Variants in STAT3 observed in about 807,000 individuals in gnomAD.
STAT3 encodes DNA-binding protein APRF.
STAT3 carries 7 observed loss-of-function variants against 114.3 expected under a neutral mutation model. The observed-to-expected ratio is 0.06, with a 90% CI of 0.03 to 0.11. The LOEUF (loss-of-function observed/expected upper bound fraction) is 0.11, where lower values mean the gene tolerates loss of function less well. Among genes scored for constraint, STAT3 ranks in the 10% least tolerant of loss-of-function variants. The pLI is 1.00. For missense variants in STAT3, 364 were observed against 960.9 expected (o/e 0.38, Z 8.21); for synonymous variants, 331 against 354.5 (o/e 0.93, Z 0.74).
At chr17:42,369,835 A>AT (rs1038411528) in intron 1 of STAT3, among the ~76,000 whole-genome samples, 10 of 148,800 alleles carry the variant, frequency 6.7e-5, no homozygotes, top group East Asian at 5.9e-4. Context: ...ATTAAAAAAT[A>AT]TTTTTTTTTT....
In STAT3 at chr17:42,382,224, T is replaced by A. The variant is rs528721571; in HGVS notation, c.-24+6055A>T. On this transcript the variant is annotated intron_variant, in intron 1 of 23. Transcript: ENST00000264657. ...TTCTCTCACTCCTGAAAAGAATTAATCTCTTTTCTTGGATATTTAGTAAGA... is the reference window on the plus strand; with the variant it reads ...TTCTCTCACTCCTGAAAAGAATTAAACTCTTTTCTTGGATATTTAGTAAGA... Among the ~76,000 whole-genome samples, 4 of 152,350 alleles carry A rather than the reference T, an allele frequency of 2.6e-5. No homozygotes were observed. In the South Asian group the frequency reaches 8.3e-4, roughly 32 times the overall value.
chr17:42,354,466 C>G (rs2083130217), intron 1 of STAT3, among the ~76,000 whole-genome samples: 1 of 151,422 alleles, frequency 6.6e-6, no homozygotes, highest in African/African-American at 2.4e-5. Context: ...TGGCACCCGG[C>G]CTGTGTTATT....
intron 8 of STAT3, among the ~76,000 whole-genome samples, chr17:42,336,186 CAA>C (rs1414025106): frequency 6.6e-6 from 1 of 152,146 alleles, no homozygotes; most frequent in Non-Finnish European, 1.5e-5. Flanking sequence ...CTCTGTATCT[CAA>C]GTTTCTCCTA....
At chr17:42,377,817 A>G (rs1026916) in intron 1 of STAT3, among the ~76,000 whole-genome samples, 86,942 of 151,806 alleles carry the variant, frequency 0.57, 26,314 homozygotes, top group Admixed American at 0.72. Flanking sequence ...CAAAGACTGT[A>G]TGGATCTTCT....
chr17:42,370,859 T>C (rs1567752218), intron 1 of STAT3, among the ~76,000 whole-genome samples: 1 of 151,940 alleles, frequency 6.6e-6, no homozygotes, highest in Non-Finnish European at 1.5e-5. Flanking sequence ...TCCACCCACC[T>C]TGGCCTCCCA....
At chr17:42,354,860 T>C (rs184980287) in intron 1 of STAT3, among the ~76,000 whole-genome samples, 1 of 151,666 alleles carries the variant, frequency 6.6e-6, no homozygotes, top group East Asian at 1.9e-4. Flanking sequence ...TTTCATGTTT[T>C]ACTTCTTAGT....
At chr17:42,347,001 C>G (rs1259216209) in intron 2 of STAT3, among the ~76,000 whole-genome samples, 4 of 151,848 alleles carry the variant, frequency 2.6e-5, no homozygotes, top group Admixed American at 6.6e-5. Flanking sequence ...CCAACCTGGC[C>G]AACATGGTGA....
In STAT3 at chr17:42,326,305, C is replaced by T. The variant is rs147116073; in HGVS notation, c.1282-106G>A. The T allele has an allele frequency of 2.3e-4, 217 of 957,002 alleles. No homozygotes were observed. In the African/African-American group the frequency reaches 3.3e-3, roughly 15 times the overall value. 59.3% of individuals were successfully genotyped at this position (957,002 alleles called of 1,614,324 possible). A position where few individuals can be genotyped will look rare whatever the true frequency, so the allele number is the denominator to read the frequency against. ...GGAGGATTGCCTGAGCCCAGGAGTT[C>T]GAGACCAGTCTAAGCAGCACAGCAA... On this transcript the variant is annotated intron_variant, in intron 14 of 23. Coordinates refer to ENST00000264657, the MANE Select transcript of STAT3 (RefSeq NM_139276.3).
At chr17:42,329,313 GGTTGAT>G (rs1396716014) in intron 14 of STAT3, 91 bp downstream of exon 14, 15 of 1,555,306 alleles carry the variant, frequency 9.6e-6, no homozygotes, top group Admixed American at 6.7e-5. Context: ...TGAAAGAACA[GGTTGAT>G]GTTTCTAATT....
At chr17:42,362,817 A>G (rs868474651) in intron 1 of STAT3, among the ~76,000 whole-genome samples, 9 of 152,100 alleles carry the variant, frequency 5.9e-5, no homozygotes, top group African/African-American at 9.7e-5. Context: ...CCCCTCTCGT[A>G]TGGCTGGTAC....
At position 42,316,819 on chromosome 17, in the gene STAT3, C is replaced by A; in HGVS notation, c.2227G>T (p.Gly743Cys). The A allele has an allele frequency of 6.2e-7, 1 of 1,613,942 alleles. No homozygotes were observed. Among genetic ancestry groups the A allele is most frequent in the Non-Finnish European group, 8.5e-7 (1 of 1,180,004 alleles). The part of the protein sequence containing the change: ...SLMQFGNNGE[G>C]AEPSAGGQFE... ...TGCCCTCCTGCTGAGGGTTCAGCAC[C>A]TTCACCATTATTTCCAAACTGCATC... Residue 743 changes from glycine to cysteine, a missense_variant, in exon 23 of 24, where the codon GGT becomes TGT. By Grantham distance (159) the Gly-to-Cys change is radical. Transcript: ENST00000264657.
At chr17:42,363,130 C>T (rs1356614514) in intron 1 of STAT3, among the ~76,000 whole-genome samples, 1 of 152,150 alleles carries the variant, frequency 6.6e-6, no homozygotes. Context: ...AATGAATGAA[C>T]GACTGGAGTG....
intron 23 of STAT3, 71 bp from the exon 24 acceptor site, chr17:42,315,871 C>T (rs1324632266): frequency 1.9e-6 from 3 of 1,612,188 alleles, no homozygotes; most frequent in Non-Finnish European, 2.5e-6. Context: ...GCCCCCAGCC[C>T]TTCAGAGGAC....
chr17:42,345,338 G>A, intron 4 of STAT3: 1 of 543,594 alleles, frequency 1.8e-6, no homozygotes, highest in Non-Finnish European at 3.2e-6. Context: ...TGGGTCTGTT[G>A]GATTCTTTTG....
chr17:42,378,654 T>A (rs2084607850), intron 1 of STAT3, among the ~76,000 whole-genome samples: 1 of 152,240 alleles, frequency 6.6e-6, no homozygotes, highest in African/African-American at 2.4e-5. Flanking sequence ...AAAGTCAGTC[T>A]GAGATGAAAT....
At chr17:42,361,795 G>A (rs939998514) in intron 1 of STAT3, among the ~76,000 whole-genome samples, 3 of 152,166 alleles carry the variant, frequency 2.0e-5, no homozygotes, top group Non-Finnish European at 4.4e-5. Flanking sequence ...TTCTTCCAAG[G>A]GCAATGGGGT....
intron 1 of STAT3, among the ~76,000 whole-genome samples, chr17:42,368,078 T>G (rs1184247299): frequency 6.6e-6 from 1 of 152,178 alleles, no homozygotes; most frequent in Non-Finnish European, 1.5e-5. Flanking sequence ...GTAGTGGACG[T>G]CTAGTCCCAG....
chr17:42,366,361 G>A (rs1480053314), intron 1 of STAT3, among the ~76,000 whole-genome samples: 3 of 140,158 alleles, frequency 2.1e-5, no homozygotes, highest in Non-Finnish European at 4.7e-5. Context: ...AACAAATCCT[G>A]TTGGCTCTGT....
chr17:42,352,492 G>C (rs1418671815), intron 1 of STAT3, among the ~76,000 whole-genome samples: 2 of 152,008 alleles, frequency 1.3e-5, no homozygotes, highest in Non-Finnish European at 2.9e-5. Flanking sequence ...TGTAACCATG[G>C]CATGTATTGA....
Sources: gnomAD v4.1 joint callset for allele counts (sites outside exome capture counted in the v4.1 genomes callset) on GRCh38, gnomAD v4.1.1 for gene constraint, MANE v1.5 for transcripts, NCBI Gene and HGNC (gene_info 2026-07-23, HGNC 2026-07-21) for gene names.